DHX32: variants seen among roughly 807,000 people sequenced by gnomAD.
DHX32 encodes DEAH-box helicase 32 (putative), also known as putative pre-mRNA-splicing factor ATP-dependent RNA helicase DHX32.
DHX32 carries 51 observed loss-of-function variants against 70.0 expected under a neutral mutation model. That is an observed-to-expected ratio of 0.73 (90% CI 0.58 to 0.92). DHX32 has a LOEUF of 0.92. DHX32 is among the 40% of genes least tolerant of loss of function. The pLI is 0.00. For synonymous variants in DHX32, 310 were observed against 315.3 expected, an observed-to-expected ratio of 0.98 and a Z score of 0.18; for missense variants, 762 against 891.8, an observed-to-expected ratio of 0.85 and a Z score of 1.85.
chr10:125,855,390 G>A (rs1944137700), intron 3 of DHX32, among the ~76,000 whole-genome samples: 1 of 151,534 alleles, frequency 6.6e-6, no homozygotes, highest in African/African-American at 2.4e-5. Context: ...CCTGGATTTG[G>A]AAAGGGGTAT....
intron 1 of DHX32, among the ~76,000 whole-genome samples, chr10:125,892,602 G>C (rs963202783): frequency 3.9e-5 from 6 of 152,150 alleles, no homozygotes; most frequent in African/African-American, 1.4e-4. Flanking sequence ...AGGCTGTTCT[G>C]CTTCGGAAGC....
At chr10:125,843,131 G>A (rs974883472) in intron 6 of DHX32, among the ~76,000 whole-genome samples, 1 of 152,024 alleles carries the variant, frequency 6.6e-6, no homozygotes, top group Admixed American at 6.6e-5. Context: ...CTGCTGTATT[G>A]TTATACCCCA....
intron 1 of DHX32, among the ~76,000 whole-genome samples, chr10:125,878,714 T>TG (rs776739443): frequency 1.4e-3 from 214 of 151,802 alleles, no homozygotes; most frequent in Non-Finnish European, 2.2e-3. Flanking sequence ...TGTTTTGTTT[T>TG]CTTTTTTTTT....
At chr10:125,869,789 T>C (rs966585717) in intron 1 of DHX32, among the ~76,000 whole-genome samples, 1 of 152,092 alleles carries the variant, frequency 6.6e-6, no homozygotes, top group Non-Finnish European at 1.5e-5. Context: ...CACGTGTGGT[T>C]TGCATTTGTT....
rs563812799 is a variant in DHX32, at chr10:125,870,231, G to C, written c.283-3048C>G. The stretch of plus-strand genomic sequence containing the variant: ...AGGCATAACCATCCTGGGATCAACG[G>C]AAAAGCAAGGCAGGAGGCTAAGGGA... On this transcript the variant is annotated intron_variant, in intron 1 of 10. Transcript: ENST00000284690. Among the ~76,000 whole-genome samples the C allele has an allele frequency of 2.6e-5, 4 of 152,270 alleles. No homozygotes were observed. The East Asian group carries it at 7.7e-4, about 29-fold the overall frequency.
upstream of DHX32, among the ~76,000 whole-genome samples, chr10:125,884,662 T>C (rs1944333368): frequency 1.3e-5 from 2 of 152,218 alleles, no homozygotes; most frequent in African/African-American, 4.8e-5. Flanking sequence ...TTGGCTCTGG[T>C]CCAGTAATTC....
At chr10:125,849,690 G>C (rs546842282) in intron 6 of DHX32, among the ~76,000 whole-genome samples, 2 of 152,184 alleles carry the variant, frequency 1.3e-5, no homozygotes, top group Non-Finnish European at 2.9e-5. Flanking sequence ...TGTGAGGGCC[G>C]TTGGCAGCCT....
intron 4 of DHX32, chr10:125,853,273 T>C: frequency 3.7e-6 from 5 of 1,362,650 alleles, no homozygotes; most frequent in Non-Finnish European, 5.1e-6. Context: ...AGGCTCATAG[T>C]CTCCTGGAGG....
rs1200827682 is a variant in DHX32, at chr10:125,880,531, G to T, written c.282+12C>A. ...CACATACAGCAAATTATTTTTTGTA[G>T]TGGTTACTCACCTGAGCGCTCTTAC... is the stretch of plus-strand genomic sequence containing the variant. On this transcript the variant is annotated intron_variant, in intron 1 of 10. Transcript: ENST00000284690. The T allele has an allele frequency of 6.4e-7, 1 of 1,560,476 alleles. No individual in the cohort carries two copies. The highest frequency in any genetic ancestry group is 1.4e-5 in the African/African-American group (1 of 72,682).
chr10:125,867,714 C>T (rs892964953), intron 1 of DHX32, among the ~76,000 whole-genome samples: 12 of 134,874 alleles, frequency 8.9e-5, no homozygotes, highest in East Asian at 2.1e-4. Context: ...CCAGCCTGGG[C>T]GACAGAGCAA....
At chr10:125,870,697 C>T (rs191846354) in intron 1 of DHX32, among the ~76,000 whole-genome samples, 69 of 151,968 alleles carry the variant, frequency 4.5e-4, no homozygotes, top group African/African-American at 1.5e-3. Flanking sequence ...ATTAGCCAGG[C>T]GTGGTGGTGG....
Position 125,840,842 on chromosome 10 carries a change from C to G in DHX32, c.1693+5G>C. The G allele has an allele frequency of 6.3e-7, 1 of 1,581,686 alleles. No individual in the cohort carries two copies. The highest frequency in any genetic ancestry group is 8.6e-7 in the Non-Finnish European group (1 of 1,158,958). On this transcript the variant is annotated splice_donor_5th_base_variant and intron_variant, in intron 8 of 10. Coordinates refer to ENST00000284690, the MANE Select transcript of DHX32 (RefSeq NM_018180.3). ...TTAATAGGTAGTTTCTGAGCATTCA[C>G]TTACACTCACTGCTAGAATTCAGAG...
chr10:125,841,592 T>C, intron 7 of DHX32, 151 bp downstream of exon 7: 1 of 1,446,074 alleles, frequency 6.9e-7, no homozygotes, highest in South Asian at 1.5e-5. Flanking sequence ...TCTAACCTAT[T>C]AAAATACCTC....
At chr10:125,878,497 C>T (rs567811298) in intron 1 of DHX32, among the ~76,000 whole-genome samples, 1 of 152,138 alleles carries the variant, frequency 6.6e-6, no homozygotes, top group Non-Finnish European at 1.5e-5. Flanking sequence ...TAAATGCTTT[C>T]TTTGAGATCT....
intron 1 of DHX32, among the ~76,000 whole-genome samples, chr10:125,874,791 G>C (rs937137576): frequency 6.6e-6 from 1 of 152,158 alleles, no homozygotes; most frequent in African/African-American, 2.4e-5. Context: ...TAAAAAATAT[G>C]AGAGGTAAGA....
intron 6 of DHX32, among the ~76,000 whole-genome samples, chr10:125,845,849 T>C (rs1180173805): frequency 6.6e-6 from 1 of 152,178 alleles, no homozygotes; most frequent in African/African-American, 2.4e-5. Flanking sequence ...GGCCAGCTCC[T>C]CCGAGCTTAG....
chr10:125,875,398 A>G (rs1944278597), intron 1 of DHX32, among the ~76,000 whole-genome samples: 2 of 152,240 alleles, frequency 1.3e-5, no homozygotes, highest in Non-Finnish European at 2.9e-5. Flanking sequence ...CCAGAAAGCA[A>G]AGAAGTGCTC....
chr10:125,842,211 C>T lies in DHX32; in HGVS notation c.1352-277G>A, dbSNP rs1854901670. On this transcript the variant is annotated intron_variant, in intron 6 of 10. Transcript: ENST00000284690. ...ACCCAGGTGGAGCCTGCCAGCCTCC[C>T]TGCAGTAGGAAAACAATGCCAGGGA... 3 of 375,968 alleles carry T rather than the reference C, an allele frequency of 8.0e-6. No individual in the cohort carries two copies. The South Asian group carries it at 1.1e-4, about 14-fold the overall frequency. The allele number at this position is 375,968 out of a possible 1,614,324, so 23.3% of individuals were successfully genotyped here.
At chr10:125,870,104 G>A (rs1304286311) in intron 1 of DHX32, among the ~76,000 whole-genome samples, 1 of 152,188 alleles carries the variant, frequency 6.6e-6, no homozygotes, top group African/African-American at 2.4e-5. Context: ...TGAAGCTAAA[G>A]AGCAGCATAA....
Sources: allele counts gnomAD v4.1 joint callset (sites outside exome capture counted in the v4.1 genomes callset), GRCh38; gene constraint gnomAD v4.1.1; transcripts MANE v1.5; gene names NCBI Gene and HGNC (gene_info 2026-07-23, HGNC 2026-07-21).